Variants in MYOM1 observed in about 807,000 individuals in gnomAD.
MYOM1 encodes myomesin 1.
In MYOM1, 164 loss-of-function variants were observed where a neutral mutation model predicts 205.3. The observed-to-expected ratio is 0.80, with a 90% CI of 0.70 to 0.91. The LOEUF (loss-of-function observed/expected upper bound fraction) is 0.91. Ranked by LOEUF, MYOM1 falls within the 40% of genes least tolerant of loss-of-function variation. MYOM1 has a pLI of 0.00. For missense variants in MYOM1, 2,011 were observed against 2,127.3 expected, an observed-to-expected ratio of 0.95 and a Z score of 1.08; for synonymous variants, 772 against 789.4, an observed-to-expected ratio of 0.98 and a Z score of 0.37.
intron 16 of MYOM1, among the ~76,000 whole-genome samples, chr18:3,133,786 C>A (rs2079911479): frequency 6.6e-6 from 1 of 152,060 alleles, no homozygotes; most frequent in Non-Finnish European, 1.5e-5. Context: ...ATAAGTGAAC[C>A]TTTTAAAAAA....
chr18:3,122,424 T>C (rs886138992), intron 19 of MYOM1, among the ~76,000 whole-genome samples: 2 of 152,196 alleles, frequency 1.3e-5, no homozygotes, highest in Non-Finnish European at 2.9e-5. Context: ...GTATTCATAA[T>C]GGTAAAGAGT....
intron 25 of MYOM1, among the ~76,000 whole-genome samples, chr18:3,099,311 C>G (rs2079347704): frequency 6.6e-6 from 1 of 152,198 alleles, no homozygotes; most frequent in Admixed American, 6.5e-5. Context: ...GAAAAATGCA[C>G]ATATATCAAT....
At chr18:3,228,342 G>A in the MYOM1 span, among the ~76,000 whole-genome samples, 1 of 152,170 alleles carries the variant, frequency 6.6e-6, no homozygotes. The surrounding 1 kb of genome is among the most constrained non-coding windows in gnomAD (Gnocchi z 4.5). Flanking sequence ...TGTGGCTGGA[G>A]ACACTTACTC....
rs1567905204 is a variant in MYOM1 at position 3,100,201 on chromosome 18, A to G, written c.3685T>C (p.Leu1229=). The part of the protein sequence containing the change: ...ASSYLIDEEE[L]KRLLALSHEH... ...TGGCTGAGAGCAAGTAAACGTTTCAATTCTGTAGGGGGAAAAAGAAGGCAG... is the reference window on the plus strand; with the variant it reads ...TGGCTGAGAGCAAGTAAACGTTTCAGTTCTGTAGGGGGAAAAAGAAGGCAG... The change falls in exon 25 of 38, where the codon TTG becomes CTG. Residue 1229 remains leucine, a splice_region_variant and synonymous_variant. Transcript: ENST00000356443. 6.2e-7 allele frequency: 1 copy of G among 1,613,988 alleles called. No homozygotes were observed. Among genetic ancestry groups the G allele is most frequent in the Non-Finnish European group, 8.5e-7 (1 of 1,179,874 alleles).
Position 3,079,265 on chromosome 18 carries a change from GGCTC to G in MYOM1, c.4558_4561del (p.Glu1520ProfsTer41). 6.2e-7 allele frequency: 1 copy of G among 1,613,818 alleles called. No individual in the cohort carries two copies. Among genetic ancestry groups the G allele is most frequent in the Non-Finnish European group, 8.5e-7 (1 of 1,179,828 alleles). Reference sequence around the variant, plus strand: ...ATACTTCCCTTTGTCATTCGGGGTGGGCTCGTTGATTTGTAGCCAGATCTGCTCT... The same window carrying G: ...ATACTTCCCTTTGTCATTCGGGGTGGGTTGATTTGTAGCCAGATCTGCTCT... On this transcript the variant is annotated frameshift_variant, in exon 34 of 38. Transcript: ENST00000356443. LOFTEE classifies it high-confidence loss of function.
intron 9 of MYOM1, among the ~76,000 whole-genome samples, chr18:3,165,224 T>G (rs925547268): frequency 6.6e-6 from 1 of 152,214 alleles, no homozygotes; most frequent in African/African-American, 2.4e-5. Context: ...TCTAAAAAGA[T>G]TTAACTCTTC....
Position 3,100,301 on chromosome 18 carries a change from G to A in MYOM1, c.3682+19C>T, listed in dbSNP as rs780678352. The A allele has an allele frequency of 7.4e-6, 12 of 1,611,034 alleles. No homozygotes were observed. Among genetic ancestry groups the A allele is most frequent in the Non-Finnish European group, 1.0e-5 (12 of 1,177,258 alleles). On this transcript the variant is annotated intron_variant, in intron 24 of 37. Transcript: ENST00000356443. ...TCAAAGCAACATTCGATGTGTGAAT[G>A]CACTGATTTTAAACTTACCTTCCTC... is the stretch of plus-strand genomic sequence containing the variant.
intron 25 of MYOM1, among the ~76,000 whole-genome samples, chr18:3,094,700 T>G (rs1432190318): frequency 6.6e-6 from 1 of 151,950 alleles, no homozygotes; most frequent in Non-Finnish European, 1.5e-5. Context: ...CTCACTCTGT[T>G]GCCCAGGCTG....
chr18:3,197,601 C>T (rs530864267), intron 2 of MYOM1, among the ~76,000 whole-genome samples: 107 of 152,044 alleles, frequency 7.0e-4, no homozygotes, highest in South Asian at 4.8e-3. Flanking sequence ...AGGCTGGGCG[C>T]GGTGGCTCAC....
At chr18:3,191,915 C>G (rs1386260022) in intron 3 of MYOM1, among the ~76,000 whole-genome samples, 1 of 152,102 alleles carries the variant, frequency 6.6e-6, no homozygotes, top group Admixed American at 6.6e-5. Context: ...CCAGGATGGT[C>G]TCAATCTCCT....
intron 5 of MYOM1, among the ~76,000 whole-genome samples, chr18:3,177,268 CT>C (rs1365886576): frequency 2.0e-5 from 3 of 151,762 alleles, no homozygotes; most frequent in Non-Finnish European, 4.4e-5. Flanking sequence ...AACAAATAAG[CT>C]TTTTAAAAAT....
chr18:3,233,491 CTG>C, the MYOM1 span, among the ~76,000 whole-genome samples: 1 of 152,176 alleles, frequency 6.6e-6, no homozygotes, highest in East Asian at 1.9e-4. Flanking sequence ...AAATAATGAA[CTG>C]TGTAGCACAT....
At chr18:3,156,233 T>C (rs1323640976) in intron 10 of MYOM1, among the ~76,000 whole-genome samples, 2 of 152,162 alleles carry the variant, frequency 1.3e-5, no homozygotes, top group African/African-American at 4.8e-5. Context: ...TAAACGGAGT[T>C]AGTAGAAGAG....
intron 21 of MYOM1, among the ~76,000 whole-genome samples, chr18:3,113,298 C>CTATATATATA (rs70964105): frequency 2.1e-5 from 3 of 145,230 alleles, no homozygotes; most frequent in African/African-American, 8.0e-5. Context: ...GTGTTTGTGT[C>CTATATATATA]TATATATATA....
At chr18:3,204,486 G>T (rs1387431079) in intron 2 of MYOM1, among the ~76,000 whole-genome samples, 1 of 151,784 alleles carries the variant, frequency 6.6e-6, no homozygotes, top group African/African-American at 2.4e-5. Flanking sequence ...TAGCATCAAA[G>T]AGAATAAAAT....
At chr18:3,245,422 G>C in the MYOM1 span, among the ~76,000 whole-genome samples, 3 of 152,138 alleles carry the variant, frequency 2.0e-5, no homozygotes, top group African/African-American at 7.2e-5. Flanking sequence ...GTAAAAACGT[G>C]AGAAGGAGAT....
At chr18:3,149,616 T>A (rs546564686) in intron 12 of MYOM1, among the ~76,000 whole-genome samples, 3 of 152,090 alleles carry the variant, frequency 2.0e-5, no homozygotes, top group Non-Finnish European at 4.4e-5. Flanking sequence ...CATAATAAGA[T>A]GAAAGAGGAG....
Position 3,141,922 on chromosome 18 carries a change from T to C in MYOM1, c.2025+17A>G, listed in dbSNP as rs76595789. 557 of 1,613,382 alleles carry C rather than the reference T, an allele frequency of 3.5e-4. 2 individuals carry two copies. In the African/African-American group the frequency reaches 6.7e-3, roughly 19 times the overall value. ...CTTAGGAGGTAGTATGAGGTCATGT[T>C]GATTCTAGAGTCTTACCTTTTCCAC... On this transcript the variant is annotated intron_variant, in intron 14 of 37. Transcript: ENST00000356443.
the MYOM1 span, among the ~76,000 whole-genome samples, chr18:3,242,255 C>T: frequency 4.6e-5 from 7 of 152,110 alleles, no homozygotes; most frequent in South Asian, 2.1e-4. Flanking sequence ...TAAATTCCCA[C>T]GTGTTGTGGG....
Sources: allele counts gnomAD v4.1 joint callset (sites outside exome capture counted in the v4.1 genomes callset), GRCh38; gene constraint gnomAD v4.1.1; non-coding constraint Gnocchi (gnomAD v3.1); transcripts MANE v1.5; gene names NCBI Gene and HGNC (gene_info 2026-07-23, HGNC 2026-07-21).